The following PPARGC1A variants were observed in gnomAD, a reference collection of about 807,000 sequenced individuals.
PPARGC1A encodes the protein peroxisome proliferator-activated receptor gamma coactivator 1-alpha.
A neutral mutation model predicts 88.7 loss-of-function variants in PPARGC1A; 25 were observed. That is an observed-to-expected ratio of 0.28 (90% CI 0.21 to 0.39). The LOEUF is 0.39. Ranked by LOEUF, PPARGC1A falls within the 10% of genes least tolerant of loss-of-function variation. The probability of loss-of-function intolerance (pLI) is 1.00; values close to 1 mark genes in which losing one functional copy is unlikely to be tolerated. For missense variants in PPARGC1A, 880 were observed against 968.7 expected, an observed-to-expected ratio of 0.91 and a Z score of 1.22; for synonymous variants, 363 against 355.6, an observed-to-expected ratio of 1.02 and a Z score of -0.24.
intron 2 of PPARGC1A, 85 bp downstream of exon 2, chr4:23,884,667 C>T (rs1716555849): frequency 4.2e-6 from 5 of 1,177,560 alleles, no homozygotes; most frequent in African/African-American, 1.5e-5. Context: ...AGTAAGAACT[C>T]ATTATGCATT....
chr4:24,150,679 G>A, the PPARGC1A span, among the ~76,000 whole-genome samples: 7 of 152,224 alleles, frequency 4.6e-5, no homozygotes, highest in East Asian at 5.8e-4. Context: ...TTTCAGTGCC[G>A]TGGGCATTAG....
the PPARGC1A span, among the ~76,000 whole-genome samples, chr4:24,198,248 A>T: frequency 2.4e-4 from 37 of 152,330 alleles, 1 homozygote; most frequent in South Asian, 7.2e-3. Context: ...GTATTTGCTT[A>T]TATCTGTTTC....
the PPARGC1A span, among the ~76,000 whole-genome samples, chr4:24,211,308 GT>G: frequency 6.6e-6 from 1 of 152,120 alleles, no homozygotes; most frequent in South Asian, 2.1e-4. Context: ...TTCTGAACTC[GT>G]TTTCCGATCT....
chr4:24,403,654 C>T, the PPARGC1A span, among the ~76,000 whole-genome samples: 1 of 152,150 alleles, frequency 6.6e-6, no homozygotes, highest in African/African-American at 2.4e-5. Flanking sequence ...AATCACTTCC[C>T]CAGAAGATCT....
At chr4:24,263,811 G>T in the PPARGC1A span, among the ~76,000 whole-genome samples, 2 of 152,120 alleles carry the variant, frequency 1.3e-5, no homozygotes, top group Admixed American at 6.5e-5. Flanking sequence ...GTGCAGTGGT[G>T]CCATCTTAGC....
At chr4:23,813,309 G>A (rs1209614762) in intron 8 of PPARGC1A, among the ~76,000 whole-genome samples, 184 bp from the exon 9 acceptor site, 1 of 152,170 alleles carries the variant, frequency 6.6e-6, no homozygotes, top group African/African-American at 2.4e-5. Flanking sequence ...TGGGAGTGAT[G>A]TGCTCTCTCT....
At chr4:24,152,096 A>G in the PPARGC1A span, among the ~76,000 whole-genome samples, 1 of 152,230 alleles carries the variant, frequency 6.6e-6, no homozygotes, top group Non-Finnish European at 1.5e-5. Context: ...TGGGATCTGG[A>G]CATGACATTC....
the PPARGC1A span, among the ~76,000 whole-genome samples, chr4:24,000,393 G>C: frequency 6.6e-6 from 1 of 152,130 alleles, no homozygotes; most frequent in Non-Finnish European, 1.5e-5. Flanking sequence ...TTATAAAACA[G>C]CTAAGGAATT....
At chr4:24,165,618 T>C in the PPARGC1A span, among the ~76,000 whole-genome samples, 1 of 152,226 alleles carries the variant, frequency 6.6e-6, no homozygotes, top group African/African-American at 2.4e-5. Context: ...TATCACATTT[T>C]GGTAAGTCTC....
At chr4:24,111,127 G>T in the PPARGC1A span, among the ~76,000 whole-genome samples, 1 of 152,044 alleles carries the variant, frequency 6.6e-6, no homozygotes, top group African/African-American at 2.4e-5. Context: ...TATTGCAAAC[G>T]TTACTTATTA....
chr4:24,027,519 T>G, the PPARGC1A span, among the ~76,000 whole-genome samples: 1 of 152,214 alleles, frequency 6.6e-6, no homozygotes, highest in African/African-American at 2.4e-5. Context: ...TCATTATTTA[T>G]TATCAGTCTT....
At chr4:23,988,014 C>T in the PPARGC1A span, among the ~76,000 whole-genome samples, 1,616 of 151,300 alleles carry the variant, frequency 0.011, 29 homozygotes, top group African/African-American at 0.037. Context: ...TTGTTCAACT[C>T]CCACTTATGA....
At chr4:24,334,836 C>T in the PPARGC1A span, among the ~76,000 whole-genome samples, 1 of 152,132 alleles carries the variant, frequency 6.6e-6, no homozygotes, top group East Asian at 1.9e-4. Context: ...GCGAGCATAG[C>T]CTCCTTTGGT....
At chr4:24,392,168 A>T in the PPARGC1A span, among the ~76,000 whole-genome samples, 2 of 152,224 alleles carry the variant, frequency 1.3e-5, no homozygotes. Flanking sequence ...TGGGAAGGAC[A>T]GTTACATGTG....
chr4:24,086,700 G>A, the PPARGC1A span, among the ~76,000 whole-genome samples: 4 of 152,056 alleles, frequency 2.6e-5, no homozygotes, highest in South Asian at 2.1e-4. Context: ...CACATGGGGG[G>A]TATTCAAAAA....
At chr4:23,796,457 C>T in intron 12 of PPARGC1A, among the ~76,000 whole-genome samples, 1 of 152,194 alleles carries the variant, frequency 6.6e-6, no homozygotes, top group South Asian at 2.1e-4. Flanking sequence ...ATTTTTGGTG[C>T]AAATTCTCCC....
At chr4:24,191,048 G>T in the PPARGC1A span, among the ~76,000 whole-genome samples, 1 of 152,218 alleles carries the variant, frequency 6.6e-6, no homozygotes, top group Non-Finnish European at 1.5e-5. Flanking sequence ...GAAAGCAGCA[G>T]CCCCTCTATT....
the PPARGC1A span, among the ~76,000 whole-genome samples, chr4:24,300,701 C>G: frequency 2.6e-5 from 4 of 152,070 alleles, no homozygotes; most frequent in Non-Finnish European, 5.9e-5. Flanking sequence ...TCATTTGGAT[C>G]ACCAACGTAC....
chr4:23,888,880 T>C (rs985233936), intron 1 of PPARGC1A: 31 of 954,452 alleles, frequency 3.2e-5, no homozygotes, highest in Non-Finnish European at 3.7e-5. Context: ...CGCAGTCTTT[T>C]GCCAGATTCA....
Sources: allele counts gnomAD v4.1 joint callset (sites outside exome capture counted in the v4.1 genomes callset), GRCh38; gene constraint gnomAD v4.1.1; transcripts MANE v1.5; gene names NCBI Gene and HGNC (gene_info 2026-07-23, HGNC 2026-07-21).